Variants in DRD3 observed in about 807,000 individuals in gnomAD.
DRD3 encodes the protein D(3) dopamine receptor.
Under a neutral mutation model 36.3 loss-of-function variants are expected in DRD3, and 19 were observed. The observed-to-expected ratio is 0.52, with a 90% CI of 0.36 to 0.77. DRD3 has a LOEUF of 0.77. DRD3 is among the 30% of genes least tolerant of loss of function. The probability of loss-of-function intolerance (pLI) is 0.00; values close to 1 mark genes in which losing one functional copy is unlikely to be tolerated. For missense variants in DRD3, 465 were observed against 505.3 expected, an observed-to-expected ratio of 0.92 and a Z score of 0.77; for synonymous variants, 195 against 203.7, an observed-to-expected ratio of 0.96 and a Z score of 0.36.
chr3:114,193,050 C>T (rs570746733), intron 1 of DRD3, among the ~76,000 whole-genome samples: 2 of 151,982 alleles, frequency 1.3e-5, no homozygotes, highest in South Asian at 2.1e-4. Flanking sequence ...GAGGCCGAGG[C>T]GGGTAGATCA....
At chr3:114,170,671 T>C (rs2077831043) in intron 2 of DRD3, among the ~76,000 whole-genome samples, 1 of 152,094 alleles carries the variant, frequency 6.6e-6, no homozygotes, top group East Asian at 1.9e-4. Flanking sequence ...TTAACAAAGG[T>C]ATTAGCACAG....
intron 1 of DRD3, among the ~76,000 whole-genome samples, chr3:114,188,977 A>G: frequency 6.6e-6 from 1 of 152,244 alleles, no homozygotes; most frequent in East Asian, 1.9e-4. Context: ...TTTTAAAAAG[A>G]ATAACAACAT....
intron 4 of DRD3, among the ~76,000 whole-genome samples, chr3:114,145,988 A>G (rs1457372514): frequency 1.3e-5 from 2 of 152,234 alleles, no homozygotes; most frequent in Non-Finnish European, 2.9e-5. Flanking sequence ...CCAATGAGGA[A>G]CTCAGAGAAG....
intron 1 of DRD3, among the ~76,000 whole-genome samples, chr3:114,189,532 G>A (rs909075182): frequency 1.3e-5 from 2 of 152,216 alleles, no homozygotes; most frequent in Non-Finnish European, 2.9e-5. Context: ...AAAAGCTTAA[G>A]TATTTGGGCC....
intron 3 of DRD3, among the ~76,000 whole-genome samples, chr3:114,154,226 G>A (rs1031491874): frequency 1.4e-4 from 22 of 152,104 alleles, no homozygotes; most frequent in African/African-American, 5.1e-4. Context: ...TCTGACTTCC[G>A]GTCCTATGAG....
At chr3:114,180,185 T>G (rs2077939001), upstream of DRD3, among the ~76,000 whole-genome samples, 1 of 152,028 alleles carries the variant, frequency 6.6e-6, no homozygotes, top group African/African-American at 2.4e-5. Flanking sequence ...AATAATAATA[T>G]TAATAATACA....
At chr3:114,175,442 A>G (rs2077888796) in intron 1 of DRD3, among the ~76,000 whole-genome samples, 2 of 152,144 alleles carry the variant, frequency 1.3e-5, no homozygotes, top group Admixed American at 6.5e-5. Flanking sequence ...ATGCTTAAAC[A>G]TTCAGGACGA....
intron 3 of DRD3, among the ~76,000 whole-genome samples, chr3:114,148,146 A>G (rs2077585184): frequency 6.6e-6 from 1 of 152,202 alleles, no homozygotes; most frequent in Non-Finnish European, 1.5e-5. Flanking sequence ...ACACAGGATC[A>G]CTGGATTGCT....
At chr3:114,149,242 G>A (rs956382241) in intron 3 of DRD3, among the ~76,000 whole-genome samples, 1 of 152,160 alleles carries the variant, frequency 6.6e-6, no homozygotes. Flanking sequence ...AACCAGGGAG[G>A]AGGTAAAACT....
At chr3:114,171,631 C>A in intron 2 of DRD3, 92 bp downstream of exon 2, 1 of 1,427,600 alleles carries the variant, frequency 7.0e-7, no homozygotes, top group Non-Finnish European at 9.3e-7. Context: ...TCCTGACTGT[C>A]TGGGGAGTCT....
chr3:114,139,359 C>T, intron 5 of DRD3, 141 bp downstream of exon 5: 1 of 813,584 alleles, frequency 1.2e-6, no homozygotes, highest in Non-Finnish European at 1.9e-6. Context: ...CAAAGCGCAG[C>T]CAAAATTAGC....
At chr3:114,180,050 G>A (rs905715977), upstream of DRD3, among the ~76,000 whole-genome samples, 2 of 152,036 alleles carry the variant, frequency 1.3e-5, no homozygotes, top group Non-Finnish European at 2.9e-5. Flanking sequence ...ACAAGTGGCT[G>A]ACCCAAGATT....
intron 3 of DRD3, among the ~76,000 whole-genome samples, chr3:114,156,743 TTTTCTTTCTTTCTTTC>T (rs1158303889): frequency 1.5e-4 from 3 of 20,682 alleles, no homozygotes; most frequent in African/African-American, 2.9e-4. Flanking sequence ...CTTTCTTTCT[TTTTCTTTCTTTCTTTC>T]TTTCTTTCTT....
At chr3:114,179,906 A>G (rs191788456), upstream of DRD3, among the ~76,000 whole-genome samples, 17 of 152,294 alleles carry the variant, frequency 1.1e-4, 1 homozygote, top group Admixed American at 7.9e-4. Context: ...TTAGCCAGTC[A>G]TTTTAATGCA....
At chr3:114,193,897 G>C (rs1030709158) in intron 1 of DRD3, among the ~76,000 whole-genome samples, 1 of 152,090 alleles carries the variant, frequency 6.6e-6, no homozygotes, top group Non-Finnish European at 1.5e-5. Context: ...TTTTGATGAT[G>C]TTCATTCACT....
At chr3:114,150,779 G>A (rs942378663) in intron 3 of DRD3, among the ~76,000 whole-genome samples, 2 of 152,204 alleles carry the variant, frequency 1.3e-5, no homozygotes, top group African/African-American at 2.4e-5. Context: ...CGAAGGGATC[G>A]GGCAAGGCTT....
At chr3:114,155,079 A>G (rs1219433178) in intron 3 of DRD3, among the ~76,000 whole-genome samples, 1 of 152,182 alleles carries the variant, frequency 6.6e-6, no homozygotes, top group Non-Finnish European at 1.5e-5. Context: ...TTTCCACAGC[A>G]TTATTATAGA....
chr3:114,199,398 C>G (rs1387935160), exon 1 of DRD3: 1 of 152,192 alleles, frequency 6.6e-6, no homozygotes, highest in African/African-American at 2.4e-5. Flanking sequence ...GTTGAACTTG[C>G]TTTTATAATG....
At chr3:114,135,984 C>A (rs1040691032) in intron 5 of DRD3, among the ~76,000 whole-genome samples, 31 of 152,186 alleles carry the variant, frequency 2.0e-4, no homozygotes, top group African/African-American at 7.5e-4. Context: ...AGCCACCACA[C>A]GCGGCCCCAA....
Sources: allele counts gnomAD v4.1 joint callset (sites outside exome capture counted in the v4.1 genomes callset), GRCh38; gene constraint gnomAD v4.1.1; transcripts MANE v1.5; gene names NCBI Gene and HGNC (gene_info 2026-07-23, HGNC 2026-07-21).